RABGEF1: variants seen among roughly 807,000 people sequenced by gnomAD.
The protein encoded by RABGEF1 is rab5 GDP/GTP exchange factor.
In RABGEF1, 26 loss-of-function variants were observed where a neutral mutation model predicts 57.3. The ratio of observed to expected loss-of-function variants is 0.45; its 90% CI spans 0.33 to 0.63. The LOEUF (loss-of-function observed/expected upper bound fraction) is 0.63. Among genes scored for constraint, RABGEF1 ranks in the 20% least tolerant of loss-of-function variants. The pLI is 0.02. For synonymous variants in RABGEF1, 185 were observed against 210.7 expected, an observed-to-expected ratio of 0.88 and a Z score of 1.06; for missense variants, 464 against 607.6, an observed-to-expected ratio of 0.76 and a Z score of 2.48.
intron 2 of RABGEF1, among the ~76,000 whole-genome samples, chr7:66,732,593 C>T (rs1159391010): frequency 2.0e-5 from 3 of 152,152 alleles, no homozygotes; most frequent in Non-Finnish European, 4.4e-5. Context: ...AACCGACAGT[C>T]TCCCCAGAGT....
At chr7:66,674,768 A>G in the RABGEF1 span, among the ~76,000 whole-genome samples, 1 of 152,110 alleles carries the variant, frequency 6.6e-6, no homozygotes, top group East Asian at 1.9e-4. Context: ...TTACTGATCT[A>G]GGAGAAGTTA....
chr7:66,759,478 C>G (rs1003776834), intron 1 of RABGEF1, among the ~76,000 whole-genome samples: 3 of 152,154 alleles, frequency 2.0e-5, no homozygotes, highest in African/African-American at 7.2e-5. Flanking sequence ...AGGTTGGTCA[C>G]ATAGTATATT....
chr7:66,807,723 C>T (rs1331176874), intron 8 of RABGEF1: 1 of 152,288 alleles, frequency 6.6e-6, no homozygotes, highest in Non-Finnish European at 1.5e-5. Context: ...AGAATCACCT[C>T]CTCTTTCCAG....
intron 1 of RABGEF1, among the ~76,000 whole-genome samples, chr7:66,702,378 TG>T (rs1793424179): frequency 6.8e-6 from 1 of 147,922 alleles, no homozygotes; most frequent in Non-Finnish European, 1.5e-5. Flanking sequence ...TGTGTGTGTG[TG>T]TGTGTGTGTG....
At chr7:66,658,799 G>A in the RABGEF1 span, among the ~76,000 whole-genome samples, 11 of 152,176 alleles carry the variant, frequency 7.2e-5, no homozygotes, top group Admixed American at 1.3e-4. Context: ...GCAGTGGCGC[G>A]ATCTTGGCTC....
chr7:66,747,568 A>G (rs1303461833), intron 1 of RABGEF1, among the ~76,000 whole-genome samples: 1 of 152,194 alleles, frequency 6.6e-6, no homozygotes, highest in Non-Finnish European at 1.5e-5. Context: ...ACATAGGGGT[A>G]TATTTATAAT....
At chr7:66,759,727 TCA>T (rs2129080271) in intron 1 of RABGEF1, among the ~76,000 whole-genome samples, 1 of 152,196 alleles carries the variant, frequency 6.6e-6, no homozygotes, top group Admixed American at 6.5e-5. Flanking sequence ...CAACCAGATC[TCA>T]CAAGCACAGA....
chr7:66,689,618 C>T (rs1230476257), intron 1 of RABGEF1, among the ~76,000 whole-genome samples: 2 of 152,118 alleles, frequency 1.3e-5, no homozygotes, highest in Admixed American at 6.6e-5. Context: ...GCCTGGCCAA[C>T]ATGGTGAAAT....
At position 66,790,384 on chromosome 7, in the gene RABGEF1, C is replaced by G. The variant is rs573631829; in HGVS notation, c.514-5127C>G. 6.6e-5 allele frequency among the ~76,000 whole-genome samples: 10 copies of G among 152,212 alleles called. No individual in the cohort carries two copies. In the East Asian group the frequency reaches 1.9e-3, roughly 29 times the overall value. ...GACAGGCAATGTGCCAGTGTTGTAA[C>G]AAGGTTTGAGGGAGGCATATCTCAC... On this transcript the variant is annotated intron_variant, in intron 4 of 8. Coordinates refer to ENST00000284957, the MANE Select transcript of RABGEF1 (RefSeq NM_014504.3).
chr7:66,795,768 C>T (rs1014765262), intron 5 of RABGEF1, among the ~76,000 whole-genome samples, 176 bp downstream of exon 5: 7 of 152,180 alleles, frequency 4.6e-5, no homozygotes, highest in South Asian at 2.1e-4. Flanking sequence ...CTGTACCATG[C>T]GTATCTTTCC....
chr7:66,722,860 G>C (rs1354522004), intron 2 of RABGEF1, among the ~76,000 whole-genome samples: 1 of 152,206 alleles, frequency 6.6e-6, no homozygotes, highest in Non-Finnish European at 1.5e-5. Context: ...CACTGAATCT[G>C]TACATCATTT....
intron 1 of RABGEF1, among the ~76,000 whole-genome samples, chr7:66,759,722 A>G (rs1362010648): frequency 1.3e-5 from 2 of 152,212 alleles, no homozygotes; most frequent in South Asian, 2.1e-4. Flanking sequence ...TTAAACAACC[A>G]GATCTCACAA....
At chr7:66,700,566 AGT>A (rs1392753256) in intron 1 of RABGEF1, among the ~76,000 whole-genome samples, 3 of 151,786 alleles carry the variant, frequency 2.0e-5, no homozygotes, top group African/African-American at 7.3e-5. Context: ...TAGCTGGGAC[AGT>A]GAGGAGGAGT....
intron 8 of RABGEF1, among the ~76,000 whole-genome samples, chr7:66,807,584 TAC>T (rs1408945887): frequency 1.3e-5 from 2 of 152,258 alleles, no homozygotes; most frequent in Non-Finnish European, 2.9e-5. Context: ...GTCTTGACCT[TAC>T]ACTTGTATTG....
chr7:66,690,937 A>G (rs1192644106), intron 1 of RABGEF1, among the ~76,000 whole-genome samples: 1 of 151,374 alleles, frequency 6.6e-6, no homozygotes, highest in African/African-American at 2.4e-5. Flanking sequence ...TACAAAAAAA[A>G]AAAATTAGCC....
intron 5 of RABGEF1, chr7:66,796,942 T>A: frequency 4.6e-6 from 2 of 433,808 alleles, no homozygotes; most frequent in South Asian, 3.3e-5. Flanking sequence ...CTTATACTTT[T>A]GTTCTGAGTG....
intron 4 of RABGEF1, among the ~76,000 whole-genome samples, chr7:66,785,208 G>A (rs1360681434): frequency 6.6e-6 from 1 of 152,094 alleles, no homozygotes; most frequent in African/African-American, 2.4e-5. Context: ...ATATCACAAT[G>A]CCTATTTGTA....
chr7:66,675,856 G>A, the RABGEF1 span, among the ~76,000 whole-genome samples: 1 of 151,970 alleles, frequency 6.6e-6, no homozygotes, highest in Non-Finnish European at 1.5e-5. Flanking sequence ...AATACTTTAG[G>A]GTAAATTTAA....
At chr7:66,718,626 G>A (rs1315866183) in intron 2 of RABGEF1, among the ~76,000 whole-genome samples, 3 of 152,062 alleles carry the variant, frequency 2.0e-5, no homozygotes, top group Non-Finnish European at 2.9e-5. Context: ...CCTGCACTCC[G>A]TGAGCTGTGG....
Sources: allele counts gnomAD v4.1 joint callset (sites outside exome capture counted in the v4.1 genomes callset), GRCh38; gene constraint gnomAD v4.1.1; transcripts MANE v1.5; gene names NCBI Gene and HGNC (gene_info 2026-07-23, HGNC 2026-07-21).